The following LRP1B variants were observed in gnomAD, a reference collection of about 807,000 sequenced individuals.
LRP1B encodes the protein low-density lipoprotein receptor-related protein 1B.
A neutral mutation model predicts 556.6 loss-of-function variants in LRP1B; 217 were observed. The observed-to-expected ratio is 0.39, with a 90% CI of 0.35 to 0.44. The LOEUF is 0.44. LRP1B is among the 20% of genes least tolerant of loss of function. The pLI is 1.00. For synonymous variants in LRP1B, 2,047 were observed against 1,865.8 expected, an observed-to-expected ratio of 1.10 and a Z score of -2.50; for missense variants, 5,053 against 5,620.8, an observed-to-expected ratio of 0.90 and a Z score of 3.23.
intron 2 of LRP1B, among the ~76,000 whole-genome samples, chr2:141,649,872 C>T (rs373586781): frequency 1.3e-5 from 2 of 152,168 alleles, no homozygotes; most frequent in African/African-American, 4.8e-5. Flanking sequence ...ACTAGGTAAC[C>T]AATCTAAGCT....
chr2:141,346,433 G>C (rs1688261369), intron 3 of LRP1B, among the ~76,000 whole-genome samples: 1 of 152,040 alleles, frequency 6.6e-6, no homozygotes, highest in Non-Finnish European at 1.5e-5. Flanking sequence ...AGGTTTTCCA[G>C]AGATTGCTTT....
chr2:140,771,084 G>A (rs1016999143), intron 33 of LRP1B, 78 bp from the exon 34 acceptor site: 45 of 1,015,542 alleles, frequency 4.4e-5, no homozygotes, highest in Non-Finnish European at 6.3e-5. Context: ...TCAATAATTT[G>A]ACAAATATGT....
intron 7 of LRP1B, among the ~76,000 whole-genome samples, chr2:141,087,255 GTCTTGTGCTC>G (rs1484749979): frequency 6.6e-6 from 1 of 151,998 alleles, no homozygotes; most frequent in African/African-American, 2.4e-5. Context: ...TTTGTGGTCC[GTCTTGTGCTC>G]CCTTTCTTCC....
At chr2:141,479,892 A>G (rs1682854702) in intron 3 of LRP1B, among the ~76,000 whole-genome samples, 1 of 152,184 alleles carries the variant, frequency 6.6e-6, no homozygotes, top group Admixed American at 6.6e-5. Context: ...TTGATTTTTA[A>G]AAAGACAAAA....
intron 1 of LRP1B, among the ~76,000 whole-genome samples, chr2:141,883,073 C>T (rs1481081378): frequency 6.6e-5 from 10 of 152,136 alleles, no homozygotes. Context: ...TGGTCTGCCT[C>T]CTATCTGTGG....
intron 1 of LRP1B, among the ~76,000 whole-genome samples, chr2:141,943,419 T>C (rs1700871533): frequency 6.6e-6 from 1 of 152,166 alleles, no homozygotes; most frequent in African/African-American, 2.4e-5. Flanking sequence ...CTAAGTAAAA[T>C]AAATGGATTC....
chr2:141,079,040 A>G (rs1481415237), intron 7 of LRP1B, among the ~76,000 whole-genome samples: 1 of 152,044 alleles, frequency 6.6e-6, no homozygotes, highest in East Asian at 1.9e-4. Context: ...AAAATGTACT[A>G]TACTCAATTT....
intron 1 of LRP1B, among the ~76,000 whole-genome samples, chr2:141,931,386 G>T (rs1700500031): frequency 6.6e-6 from 1 of 151,854 alleles, no homozygotes; most frequent in Non-Finnish European, 1.5e-5. Flanking sequence ...TTTTTTAAAA[G>T]GGGTGGCACT....
intron 31 of LRP1B, among the ~76,000 whole-genome samples, chr2:140,817,413 C>T (rs1485266511): frequency 2.6e-5 from 4 of 151,752 alleles, no homozygotes; most frequent in Non-Finnish European, 5.9e-5. Context: ...TATAAAAATA[C>T]AGCTAATCCA....
intron 2 of LRP1B, among the ~76,000 whole-genome samples, chr2:141,605,794 G>A (rs1687897524): frequency 6.6e-6 from 1 of 152,162 alleles, no homozygotes; most frequent in Admixed American, 6.5e-5. Context: ...GTATCAAACA[G>A]TATATATGGC....
chr2:141,464,048 C>T (rs1199787977), intron 3 of LRP1B, among the ~76,000 whole-genome samples: 5 of 151,776 alleles, frequency 3.3e-5, no homozygotes, highest in Non-Finnish European at 7.4e-5. Flanking sequence ...GTTGTTAATA[C>T]TAGAAAAAGT....
At chr2:141,650,515 TTTCAAACATTACC>T in intron 2 of LRP1B, among the ~76,000 whole-genome samples, 3 of 152,300 alleles carry the variant, frequency 2.0e-5, no homozygotes, top group Admixed American at 2.0e-4. Flanking sequence ...CATTTGAGTT[TTTCAAACATTACC>T]ATGGCTGCCA....
intron 3 of LRP1B, among the ~76,000 whole-genome samples, chr2:141,477,655 T>G (rs981284627): frequency 4.6e-5 from 7 of 152,216 alleles, no homozygotes; most frequent in Middle Eastern, 3.2e-3. Context: ...AACTCATTTC[T>G]GAGTTTATTT....
chr2:140,399,322 G>A (rs1684395101), intron 66 of LRP1B, among the ~76,000 whole-genome samples: 1 of 152,048 alleles, frequency 6.6e-6, no homozygotes, highest in Non-Finnish European at 1.5e-5. Context: ...TTCAAGTACT[G>A]CTAGTATCAT....
intron 35 of LRP1B, among the ~76,000 whole-genome samples, chr2:140,728,529 A>G (rs1227117273): frequency 1.3e-5 from 2 of 152,194 alleles, no homozygotes; most frequent in African/African-American, 4.8e-5. Flanking sequence ...AAACAACACC[A>G]TTCCATTTCA....
intron 75 of LRP1B, among the ~76,000 whole-genome samples, chr2:140,355,272 TTGTG>T (rs774371338): frequency 3.3e-5 from 5 of 151,410 alleles, no homozygotes; most frequent in African/African-American, 4.8e-5. Context: ...ATTGAAAGAA[TTGTG>T]TGTGTGTGTG....
At chr2:140,790,267 A>G (rs1289872546) in intron 32 of LRP1B, among the ~76,000 whole-genome samples, 2 of 152,098 alleles carry the variant, frequency 1.3e-5, no homozygotes, top group Admixed American at 6.5e-5. Flanking sequence ...TCTGGTCTGG[A>G]AAAAATTGGG....
chr2:141,727,694 TCA>T (rs1421461775), intron 2 of LRP1B, among the ~76,000 whole-genome samples: 1 of 152,180 alleles, frequency 6.6e-6, no homozygotes, highest in East Asian at 1.9e-4. Context: ...CAGCCAATAT[TCA>T]TATATCTTTA....
At chr2:141,620,592 A>C (rs552156501) in intron 2 of LRP1B, among the ~76,000 whole-genome samples, 1 of 152,276 alleles carries the variant, frequency 6.6e-6, no homozygotes, top group African/African-American at 2.4e-5. Context: ...AGTCAAAATA[A>C]TTTTCTGACT....
Sources: gnomAD v4.1 joint callset for allele counts (sites outside exome capture counted in the v4.1 genomes callset) on GRCh38, gnomAD v4.1.1 for gene constraint, MANE v1.5 for transcripts, NCBI Gene and HGNC (gene_info 2026-07-23, HGNC 2026-07-21) for gene names.